The following CPNE4 variants were observed in gnomAD, a reference collection of about 807,000 sequenced individuals.
CPNE4 encodes copine 4, also known as copine-4.
In CPNE4, 25 loss-of-function variants were observed where a neutral mutation model predicts 67.9. The ratio of observed to expected loss-of-function variants is 0.37; its 90% CI spans 0.27 to 0.51. The LOEUF (loss-of-function observed/expected upper bound fraction) is 0.51, where lower values mean the gene tolerates loss of function less well. Among genes scored for constraint, CPNE4 ranks in the 20% least tolerant of loss-of-function variants. The pLI, the probability that CPNE4 is intolerant of heterozygous loss-of-function variation, is 0.93. For synonymous variants in CPNE4, 242 were observed against 244.9 expected (o/e 0.99, Z 0.11); for missense variants, 464 against 690.8 (o/e 0.67, Z 3.68).
intron 2 of CPNE4, among the ~76,000 whole-genome samples, chr3:131,820,220 A>G (rs923812736): frequency 7.9e-5 from 12 of 152,340 alleles, no homozygotes; most frequent in Admixed American, 2.6e-4. Flanking sequence ...TCGGACTAAC[A>G]TCTGTGGGAG....
rs201764210 is a variant in CPNE4, at chr3:131,801,372, CAT to C, written c.181-77749_181-77748del. 1.6e-3 allele frequency among the ~76,000 whole-genome samples: 137 copies of C among 86,228 alleles called. 1 individual carries two copies. The highest frequency in any genetic ancestry group is 2.1e-3 in the Non-Finnish European group (93 of 43,714). 56.6% of individuals were successfully genotyped at this position (86,228 alleles called of 152,430 possible). A position where few individuals can be genotyped will look rare whatever the true frequency, so the allele number is the denominator to read the frequency against. On this transcript the variant is annotated intron_variant, in intron 2 of 15. Transcript: ENST00000429747. ...ATATGTACCATATATATATATGTAC[CAT>C]ATATATATATATGGTACATATATAT...
intron 1 of CPNE4, among the ~76,000 whole-genome samples, chr3:132,030,901 T>C (rs1228765420): frequency 6.6e-6 from 1 of 152,210 alleles, no homozygotes; most frequent in African/African-American, 2.4e-5. Flanking sequence ...CTATAGACTA[T>C]TTCAAATAAC....
chr3:131,562,778 C>T (rs1936843277), intron 11 of CPNE4, among the ~76,000 whole-genome samples: 1 of 152,042 alleles, frequency 6.6e-6, no homozygotes, highest in African/African-American at 2.4e-5. Context: ...CCACTGCCTG[C>T]ATTGGGGCTT....
intron 2 of CPNE4, among the ~76,000 whole-genome samples, chr3:131,724,731 T>C (rs753831007): frequency 6.6e-6 from 1 of 152,174 alleles, no homozygotes; most frequent in Non-Finnish European, 1.5e-5. Flanking sequence ...CTTCCTGTTG[T>C]TGCTATCTCT....
intron 2 of CPNE4, among the ~76,000 whole-genome samples, chr3:131,801,444 GTGTGTGTGTA>G (rs1347551682): frequency 3.1e-4 from 26 of 85,042 alleles, no homozygotes; most frequent in African/African-American, 5.4e-4. Context: ...GTGTGTGTGT[GTGTGTGTGTA>G]TATATATATA....
intron 1 of CPNE4, among the ~76,000 whole-genome samples, chr3:132,011,020 A>G (rs1179049236): frequency 6.6e-6 from 1 of 152,208 alleles, no homozygotes; most frequent in Non-Finnish European, 1.5e-5. Flanking sequence ...AGGCTAGAAA[A>G]TAGCTTGGAA....
At chr3:131,977,651 T>C (rs1390430359) in intron 1 of CPNE4, among the ~76,000 whole-genome samples, 3 of 152,138 alleles carry the variant, frequency 2.0e-5, no homozygotes, top group African/African-American at 7.2e-5. Context: ...CGGTTCTTTT[T>C]TTAAAAATTT....
intron 2 of CPNE4, among the ~76,000 whole-genome samples, chr3:131,754,629 T>C (rs1161383029): frequency 6.6e-6 from 1 of 152,180 alleles, no homozygotes; most frequent in East Asian, 1.9e-4. Context: ...GATATACATT[T>C]AGGGACCATG....
intron 1 of CPNE4, among the ~76,000 whole-genome samples, chr3:132,033,576 G>A (rs2074285880): frequency 1.3e-5 from 2 of 152,196 alleles, no homozygotes; most frequent in African/African-American, 4.8e-5. Flanking sequence ...GCGCCCCTTG[G>A]ATCATCTCTG....
At chr3:131,665,123 A>C (rs2080225217) in intron 7 of CPNE4, among the ~76,000 whole-genome samples, 1 of 152,168 alleles carries the variant, frequency 6.6e-6, no homozygotes, top group African/African-American at 2.4e-5. Flanking sequence ...GCACTTTAGA[A>C]GGCTGAGGGA....
intron 7 of CPNE4, among the ~76,000 whole-genome samples, chr3:131,667,141 TG>T (rs1560080396): frequency 6.6e-6 from 1 of 152,180 alleles, no homozygotes; most frequent in Non-Finnish European, 1.5e-5. Flanking sequence ...TTTGCCTTCA[TG>T]GGCCCCTTTT....
At chr3:132,033,679 A>G (rs2074289391) in intron 1 of CPNE4, among the ~76,000 whole-genome samples, 1 of 152,248 alleles carries the variant, frequency 6.6e-6, no homozygotes, top group Non-Finnish European at 1.5e-5. Flanking sequence ...TGGAACATAG[A>G]ATGGGAAATA....
chr3:131,658,450 T>C (rs2080036998), intron 7 of CPNE4, among the ~76,000 whole-genome samples: 1 of 152,244 alleles, frequency 6.6e-6, no homozygotes, highest in Admixed American at 6.5e-5. Flanking sequence ...AAAGTATTTA[T>C]GCTCATTTTC....
intron 1 of CPNE4, among the ~76,000 whole-genome samples, chr3:131,972,432 C>T (rs2072529139): frequency 1.3e-5 from 2 of 152,196 alleles, no homozygotes; most frequent in Non-Finnish European, 2.9e-5. Flanking sequence ...CCCCAGTGAT[C>T]TTTTGTCCCC....
chr3:131,922,859 G>A (rs142258193), intron 1 of CPNE4, among the ~76,000 whole-genome samples: 1 of 152,282 alleles, frequency 6.6e-6, no homozygotes, highest in East Asian at 1.9e-4. Flanking sequence ...TATGTCTCCT[G>A]TCCTGTGGTC....
chr3:131,668,655 C>G (rs982729979), intron 7 of CPNE4, among the ~76,000 whole-genome samples: 2 of 152,140 alleles, frequency 1.3e-5, no homozygotes, highest in African/African-American at 2.4e-5. Flanking sequence ...AGGCACCAGT[C>G]TCCAGTAGAT....
At chr3:131,676,827 G>C (rs945864681) in intron 6 of CPNE4, among the ~76,000 whole-genome samples, 2 of 152,082 alleles carry the variant, frequency 1.3e-5, no homozygotes, top group Non-Finnish European at 2.9e-5. Flanking sequence ...ATTGTGAATA[G>C]TGCTGCAGTG....
intron 2 of CPNE4, among the ~76,000 whole-genome samples, chr3:131,815,916 C>T (rs971913583): frequency 6.6e-6 from 1 of 152,076 alleles, no homozygotes; most frequent in Non-Finnish European, 1.5e-5. Context: ...AACATTGCTA[C>T]TTGTGTGTAC....
intron 14 of CPNE4, among the ~76,000 whole-genome samples, chr3:131,547,822 T>C (rs1935956125): frequency 6.6e-6 from 1 of 152,152 alleles, no homozygotes; most frequent in Non-Finnish European, 1.5e-5. Context: ...TGAGAGAACA[T>C]GCCCCACAGA....
Sources: allele counts gnomAD v4.1 joint callset (sites outside exome capture counted in the v4.1 genomes callset), GRCh38; gene constraint gnomAD v4.1.1; transcripts MANE v1.5; gene names NCBI Gene and HGNC (gene_info 2026-07-23, HGNC 2026-07-21).